TMTC1: variants seen among roughly 807,000 people sequenced by gnomAD.
The protein encoded by TMTC1 is protein O-mannosyl-transferase TMTC1.
In TMTC1, 73 loss-of-function variants were observed where a neutral mutation model predicts 104.8. The ratio of observed to expected loss-of-function variants is 0.70; its 90% CI spans 0.58 to 0.85. The LOEUF (loss-of-function observed/expected upper bound fraction) is 0.85, where lower values mean the gene tolerates loss of function less well. Among genes scored for constraint, TMTC1 ranks in the 40% least tolerant of loss-of-function variants. TMTC1 has a pLI of 0.00. For missense variants in TMTC1, 1,035 were observed against 1,096.1 expected (o/e 0.94, Z 0.79); for synonymous variants, 434 against 428.7 (o/e 1.01, Z -0.15).
At chr12:29,635,724 TCAGTTTATAGCAAA>T (rs1232772644) in intron 5 of TMTC1, among the ~76,000 whole-genome samples, 1 of 152,156 alleles carries the variant, frequency 6.6e-6, no homozygotes. Context: ...AATCTAATTA[TCAGTTTATAGCAAA>T]CACAGGAAAC....
In TMTC1 at chr12:29,634,563, G is replaced by A. The variant is rs114666910; in HGVS notation, c.939-1227C>T. 4.5e-3 allele frequency among the ~76,000 whole-genome samples: 688 copies of A among 152,354 alleles called. 4 individuals are homozygous for A. Among genetic ancestry groups the A allele is most frequent in the African/African-American group, 0.016 (657 of 41,578 alleles). On this transcript the variant is annotated intron_variant, in intron 5 of 17. Coordinates refer to ENST00000539277, the MANE Select transcript of TMTC1 (RefSeq NM_001193451.2). Reference sequence around the variant, plus strand: ...TCTGCTCCTTCCCCTACTGTCAGTAGTGATGGAGTGAAATCGGTGTTCACT... The same window carrying A: ...TCTGCTCCTTCCCCTACTGTCAGTAATGATGGAGTGAAATCGGTGTTCACT...
intron 5 of TMTC1, among the ~76,000 whole-genome samples, chr12:29,716,295 T>A (rs1942079323): frequency 6.6e-6 from 1 of 152,070 alleles, no homozygotes; most frequent in Admixed American, 6.6e-5. Flanking sequence ...GCTTTGAGAT[T>A]ACGGGTATGA....
At chr12:29,719,520 G>A (rs1176277510) in intron 5 of TMTC1, among the ~76,000 whole-genome samples, 1 of 152,164 alleles carries the variant, frequency 6.6e-6, no homozygotes, top group Non-Finnish European at 1.5e-5. Context: ...CCCCTGCATA[G>A]CCAATGTCAA....
rs1173976035 is a variant in TMTC1, at chr12:29,609,320, G to A, written c.1129-5021C>T. Among the ~76,000 whole-genome samples the A allele has an allele frequency of 3.3e-5, 5 of 152,132 alleles. No homozygotes were observed. The South Asian group carries it at 6.2e-4, about 19-fold the overall frequency. On this transcript the variant is annotated intron_variant, in intron 6 of 17. Coordinates refer to ENST00000539277, the MANE Select transcript of TMTC1 (RefSeq NM_001193451.2). ...CAGTAAAGCTCCCCTCTTCAGCCCC[G>A]GGGTTAAGGCATTTGCCAGGCTGAC...
intron 6 of TMTC1, among the ~76,000 whole-genome samples, chr12:29,607,060 T>TCAAGGAG (rs752176126): frequency 8.7e-5 from 13 of 149,864 alleles, no homozygotes; most frequent in Non-Finnish European, 1.3e-4. Flanking sequence ...GGGGGGAGAG[T>TCAAGGAG]CAAGGAGCGA....
chr12:29,517,059 T>C (rs1211339410), intron 14 of TMTC1, among the ~76,000 whole-genome samples: 2 of 152,192 alleles, frequency 1.3e-5, no homozygotes, highest in African/African-American at 4.8e-5. Context: ...ATAATAGGTA[T>C]ATACAAACAT....
intron 11 of TMTC1, among the ~76,000 whole-genome samples, chr12:29,522,986 G>A (rs931160924): frequency 4.6e-5 from 7 of 152,150 alleles, no homozygotes; most frequent in Admixed American, 4.6e-4. Flanking sequence ...TAGCTACATG[G>A]GGACAGAGAA....
intron 5 of TMTC1, among the ~76,000 whole-genome samples, chr12:29,740,242 T>C (rs1163811888): frequency 6.6e-6 from 1 of 152,206 alleles, no homozygotes; most frequent in Non-Finnish European, 1.5e-5. Context: ...GTCAACTTGA[T>C]TGGATTGAAA....
intron 5 of TMTC1, chr12:29,640,532 T>C (rs1255979487): frequency 6.6e-6 from 1 of 152,190 alleles, no homozygotes; most frequent in Non-Finnish European, 1.5e-5. Context: ...GCTGAAGGTC[T>C]GTTTGTGGGA....
intron 6 of TMTC1, among the ~76,000 whole-genome samples, chr12:29,619,895 T>G (rs188494264): frequency 6.6e-6 from 1 of 152,278 alleles, no homozygotes; most frequent in Non-Finnish European, 1.5e-5. Flanking sequence ...CTATTACCTC[T>G]TATGTCAAGA....
intron 10 of TMTC1, 112 bp downstream of exon 10, chr12:29,556,745 A>T: frequency 7.3e-7 from 1 of 1,376,660 alleles, no homozygotes; most frequent in Non-Finnish European, 9.9e-7. Context: ...TGAAAACCCT[A>T]ATTATTCAGC....
intron 12 of TMTC1, chr12:29,519,715 A>G (rs922975541): frequency 6.6e-6 from 1 of 152,186 alleles, no homozygotes. Flanking sequence ...GACCTGCCCA[A>G]CTAGAGGTTT....
Position 29,767,947 on chromosome 12 carries a change from G to A in TMTC1, c.431C>T (p.Ala144Val). ...AGCAAAAAGCAATGCCGTTACAAAA[G>A]CAAGTCCACGATTCTTGAAGACAGT... ...DKTVFKNRGL[A>V]FVTALLFAVH... The change falls in exon 2 of 18, where the codon GCT (alanine) becomes GTT (valine). Residue 144 changes from alanine (A) to valine (V), a missense_variant. By Grantham distance (64) the Ala-to-Val change is moderately conservative (BLOSUM62 0). Transcript: ENST00000539277. The A allele has an allele frequency of 1.2e-6, 2 of 1,613,878 alleles. No homozygotes were observed. The highest frequency in any genetic ancestry group is 2.2e-5 in the South Asian group (2 of 91,078).
intron 9 of TMTC1, among the ~76,000 whole-genome samples, chr12:29,559,058 A>G (rs1945315507): frequency 6.6e-6 from 1 of 152,236 alleles, no homozygotes; most frequent in South Asian, 2.1e-4. Context: ...TGTCCCATGC[A>G]CATGATGAAG....
At chr12:29,695,911 C>T (rs968542963) in intron 5 of TMTC1, among the ~76,000 whole-genome samples, 1 of 149,290 alleles carries the variant, frequency 6.7e-6, no homozygotes, top group African/African-American at 2.4e-5. Flanking sequence ...AAGCAACCTT[C>T]CCAGGACTGA....
chr12:29,543,232 G>A lies in TMTC1; in HGVS notation c.1677-6915C>T, dbSNP rs768833447. On this transcript the variant is annotated intron_variant, in intron 10 of 17. Coordinates refer to ENST00000539277, the MANE Select transcript of TMTC1 (RefSeq NM_001193451.2). ...TGTGTTAAGTAAAAACATTTGCATC[G>A]TGTCACTTTCATGGCTCCATGTCAG... 9.2e-5 allele frequency among the ~76,000 whole-genome samples: 14 copies of A among 152,248 alleles called. No homozygotes were observed. In the East Asian group the frequency reaches 2.1e-3, roughly 23 times the overall value.
At chr12:29,778,328 A>C (rs1213931851) in intron 1 of TMTC1, among the ~76,000 whole-genome samples, 1 of 152,230 alleles carries the variant, frequency 6.6e-6, no homozygotes, top group Non-Finnish European at 1.5e-5. Context: ...TACTGAATGG[A>C]ATGGCACTGC....
In TMTC1 at chr12:29,755,890, A is replaced by C; in HGVS notation, c.555-5T>G. The C allele has an allele frequency of 6.2e-7, 1 of 1,612,146 alleles. No individual in the cohort carries two copies. Among genetic ancestry groups the C allele is most frequent in the Non-Finnish European group, 8.5e-7 (1 of 1,179,432 alleles). ...ACACAGCCCTGATCCAGACTCCTGA[A>C]AAACAAGTTGGAGATTCTTTTAATC... On this transcript the variant is annotated splice_region_variant and splice_polypyrimidine_tract_variant and intron_variant, in intron 3 of 17. Coordinates refer to ENST00000539277, the MANE Select transcript of TMTC1 (RefSeq NM_001193451.2).
At chr12:29,515,239 T>G (rs920708471) in intron 15 of TMTC1, among the ~76,000 whole-genome samples, 10 of 151,988 alleles carry the variant, frequency 6.6e-5, no homozygotes, top group African/African-American at 2.2e-4. Context: ...CACCAGCCCC[T>G]CTCAGGTCCT....
Sources: gnomAD v4.1 joint callset for allele counts (sites outside exome capture counted in the v4.1 genomes callset) on GRCh38, gnomAD v4.1.1 for gene constraint, MANE v1.5 for transcripts, NCBI Gene and HGNC (gene_info 2026-07-23, HGNC 2026-07-21) for gene names.